Variants in DLGAP2 observed in about 807,000 individuals in gnomAD.
DLGAP2 encodes the protein disks large-associated protein 2.
DLGAP2 carries 26 observed loss-of-function variants against 100.3 expected under a neutral mutation model. The ratio of observed to expected loss-of-function variants is 0.26; its 90% CI spans 0.19 to 0.36. The LOEUF (loss-of-function observed/expected upper bound fraction) is 0.36. Among genes scored for constraint, DLGAP2 ranks in the 10% least tolerant of loss-of-function variants. The pLI is 1.00. For missense variants in DLGAP2, 1,858 were observed against 1,453.2 expected (o/e 1.28, Z -4.53); for synonymous variants, 886 against 630.1 (o/e 1.41, Z -6.08).
At chr8:1,361,459 C>A (rs1419494692) in intron 3 of DLGAP2, among the ~76,000 whole-genome samples, 1 of 152,146 alleles carries the variant, frequency 6.6e-6, no homozygotes, top group African/African-American at 2.4e-5. Context: ...TGTAGTTTTT[C>A]CCCTTATCTT....
At chr8:994,498 C>G (rs577822807) in intron 2 of DLGAP2, among the ~76,000 whole-genome samples, 11 of 152,184 alleles carry the variant, frequency 7.2e-5, no homozygotes, top group Non-Finnish European at 1.2e-4. Flanking sequence ...CTGCACCCAG[C>G]CTGGTGTTTT....
intron 1 of DLGAP2, among the ~76,000 whole-genome samples, chr8:841,003 T>G (rs1796974069): frequency 6.6e-6 from 1 of 152,220 alleles, no homozygotes; most frequent in Non-Finnish European, 1.5e-5. Flanking sequence ...TATTGACTGA[T>G]GAGAGCCTAG....
intron 3 of DLGAP2, among the ~76,000 whole-genome samples, chr8:1,323,055 G>C (rs1274598851): frequency 2.0e-5 from 3 of 148,994 alleles, no homozygotes; most frequent in Non-Finnish European, 4.4e-5. Context: ...TTTTGAGACA[G>C]AGTCTCGCTC....
intron 2 of DLGAP2, among the ~76,000 whole-genome samples, chr8:1,037,439 G>A (rs1802164732): frequency 6.6e-6 from 1 of 152,120 alleles, no homozygotes; most frequent in Non-Finnish European, 1.5e-5. Context: ...CACAGCTCCT[G>A]CACCCCCAGG....
intron 2 of DLGAP2, among the ~76,000 whole-genome samples, chr8:1,193,428 G>C (rs992701459): frequency 1.3e-5 from 2 of 152,200 alleles, no homozygotes; most frequent in African/African-American, 4.8e-5. Flanking sequence ...GGCCAGTGAT[G>C]ATGAGCATTT....
intron 3 of DLGAP2, among the ~76,000 whole-genome samples, chr8:1,317,679 A>G (rs1363964035): frequency 7.4e-6 from 1 of 135,358 alleles, no homozygotes; most frequent in Non-Finnish European, 1.6e-5. Flanking sequence ...GTGCGAGTGC[A>G]GCGTCTCTCC....
At chr8:1,557,390 T>C (rs906988332) in intron 5 of DLGAP2, among the ~76,000 whole-genome samples, 1 of 152,112 alleles carries the variant, frequency 6.6e-6, no homozygotes, top group Admixed American at 6.5e-5. Context: ...GACGTGCCGA[T>C]GGCCACGGGT....
At chr8:903,588 G>A (rs1702143064) in intron 1 of DLGAP2, among the ~76,000 whole-genome samples, 2 of 152,118 alleles carry the variant, frequency 1.3e-5, no homozygotes, top group Non-Finnish European at 2.9e-5. Context: ...CTGGACCCCT[G>A]CTTGGTATGA....
At chr8:1,341,759 G>A (rs1463841403) in intron 3 of DLGAP2, among the ~76,000 whole-genome samples, 1 of 152,162 alleles carries the variant, frequency 6.6e-6, no homozygotes, top group Admixed American at 6.5e-5. Context: ...GCTAGCAGGT[G>A]TCATTTCCCA....
chr8:1,530,102 G>A (rs1800938280), intron 4 of DLGAP2, among the ~76,000 whole-genome samples: 1 of 152,160 alleles, frequency 6.6e-6, no homozygotes, highest in South Asian at 2.1e-4. Flanking sequence ...ACAGGGTTTT[G>A]AGATCAACCG....
At chr8:800,890 G>C (rs534601015) in intron 1 of DLGAP2, among the ~76,000 whole-genome samples, 10 of 152,032 alleles carry the variant, frequency 6.6e-5, no homozygotes, top group African/African-American at 2.4e-4. Context: ...AGCAATCCCC[G>C]GCCGTGCTGT....
chr8:969,504 C>T (rs888698286), intron 2 of DLGAP2, among the ~76,000 whole-genome samples: 3 of 151,206 alleles, frequency 2.0e-5, no homozygotes, highest in African/African-American at 7.3e-5. Context: ...CTTGCAAGAA[C>T]CAACTGTTAA....
Position 1,442,637 on chromosome 8 carries a change from G to T in DLGAP2, c.107-58729G>T, listed in dbSNP as rs533360951. On this transcript the variant is annotated intron_variant, in intron 3 of 14. Coordinates refer to ENST00000637795, the MANE Select transcript of DLGAP2 (RefSeq NM_001346810.2). The stretch of plus-strand genomic sequence containing the variant: ...GCATAGACCCGCCAGGCTGATGTGG[G>T]TTCAGCCACTGGAGGAGACGGATCC... 3.4e-5 allele frequency among the ~76,000 whole-genome samples: 5 copies of T among 148,462 alleles called. No homozygotes were observed. In the East Asian group the frequency reaches 1.0e-3, roughly 30 times the overall value.
rs1001378392 is a variant in DLGAP2 at position 1,323,746 on chromosome 8, G to A, written c.106+64863G>A. On this transcript the variant is annotated intron_variant, in intron 3 of 14. Transcript: ENST00000637795. The stretch of plus-strand genomic sequence containing the variant: ...CCTGCCTCCGCTCCAATGACTGGTC[G>A]CTGCCTGTGCCACCCAGGACACCTT... Among the ~76,000 whole-genome samples, 11 of 152,292 alleles carry A rather than the reference G, an allele frequency of 7.2e-5. No individual in the cohort carries two copies. The East Asian group carries it at 1.4e-3, about 19-fold the overall frequency.
At chr8:1,546,937 A>G (rs1294939401) in intron 4 of DLGAP2, among the ~76,000 whole-genome samples, 1 of 152,102 alleles carries the variant, frequency 6.6e-6, no homozygotes, top group African/African-American at 2.4e-5. Flanking sequence ...CTTCCTGAGG[A>G]GACGGCCACG....
At chr8:1,466,896 A>T (rs1446245601) in intron 3 of DLGAP2, among the ~76,000 whole-genome samples, 2 of 151,942 alleles carry the variant, frequency 1.3e-5, no homozygotes, top group African/African-American at 4.8e-5. Context: ...TTTTTCCCTT[A>T]ACTACAGCCT....
At chr8:1,654,759 T>G (rs1239986937) in intron 8 of DLGAP2, among the ~76,000 whole-genome samples, 1 of 152,186 alleles carries the variant, frequency 6.6e-6, no homozygotes, top group Non-Finnish European at 1.5e-5. Flanking sequence ...TTTCTGTTTT[T>G]TGTGTGTGTT....
rs1399182497 is a variant in DLGAP2, at chr8:1,705,865, A to C, written c.*4459A>C. On this transcript the variant is annotated 3_prime_UTR_variant, in exon 15 of 15. Transcript: ENST00000637795. ...GGCGTGGGTTGAATACAAGTTTCCAAAACTTTAAAATAGAAAACCACGAGC... is the reference window on the plus strand; with the variant it reads ...GGCGTGGGTTGAATACAAGTTTCCACAACTTTAAAATAGAAAACCACGAGC... 6.6e-6 allele frequency: 1 copy of C among 152,188 alleles called. No homozygotes were observed. The highest frequency in any genetic ancestry group is 2.4e-5 in the African/African-American group (1 of 41,444). 9.4% of individuals were successfully genotyped at this position (152,188 alleles called of 1,614,324 possible).
Position 1,522,484 on chromosome 8 carries a change from C to T in DLGAP2, c.172+21053C>T, listed in dbSNP as rs569619544. ...GGGGCCAAGGCCAGTCAGAGCCTCACGCACGGGTGCTGGGTCATCACCATG... is the reference window on the plus strand; with the variant it reads ...GGGGCCAAGGCCAGTCAGAGCCTCATGCACGGGTGCTGGGTCATCACCATG... On this transcript the variant is annotated intron_variant, in intron 4 of 14. Transcript: ENST00000637795. Among the ~76,000 whole-genome samples the T allele has an allele frequency of 2.5e-4, 38 of 152,326 alleles. No individual in the cohort carries two copies. The South Asian group carries it at 2.9e-3, about 12-fold the overall frequency.
Sources: gnomAD v4.1 joint callset for allele counts (sites outside exome capture counted in the v4.1 genomes callset) on GRCh38, gnomAD v4.1.1 for gene constraint, MANE v1.5 for transcripts, NCBI Gene and HGNC (gene_info 2026-07-23, HGNC 2026-07-21) for gene names.